Variants in STAB2 observed in about 807,000 individuals in gnomAD.
STAB2 encodes stabilin-2.
A neutral mutation model predicts 338.1 loss-of-function variants in STAB2; 288 were observed. The ratio of observed to expected loss-of-function variants is 0.85; its 90% CI spans 0.77 to 0.94. STAB2 has a LOEUF of 0.94. Among genes scored for constraint, STAB2 ranks in the 40% least tolerant of loss-of-function variants. The probability of loss-of-function intolerance (pLI) is 0.00; values close to 1 mark genes in which losing one functional copy is unlikely to be tolerated. For synonymous variants in STAB2, 1,202 were observed against 1,193.3 expected (o/e 1.01, Z -0.15); for missense variants, 3,141 against 3,210.1 (o/e 0.98, Z 0.52).
At position 103,590,883 on chromosome 12, in the gene STAB2, T is replaced by C. The variant is rs191401228; in HGVS notation, c.82-14T>C. The C allele has an allele frequency of 6.2e-7, 1 of 1,613,940 alleles. No homozygotes were observed. The highest frequency in any genetic ancestry group is 8.5e-7 in the Non-Finnish European group (1 of 1,179,942). On this transcript the variant is annotated splice_polypyrimidine_tract_variant and intron_variant, in intron 1 of 68. Transcript: ENST00000388887. ...TAACAGGAATTAATGTTCTTTTTTT[T>C]AATATTTACACAGGCAAGAAGATGT...
intron 21 of STAB2, 100 bp from the exon 22 acceptor site, chr12:103,670,596 A>G: frequency 1.1e-6 from 1 of 910,224 alleles, no homozygotes; most frequent in Non-Finnish European, 1.8e-6. Context: ...GGGTCATGTC[A>G]AGTGGGATTT....
chr12:103,695,022 T>C (rs1878277878), intron 31 of STAB2, among the ~76,000 whole-genome samples: 1 of 152,200 alleles, frequency 6.6e-6, no homozygotes, highest in South Asian at 2.1e-4. Context: ...TAAATTTATA[T>C]GTAAAAATGT....
At chr12:103,714,864 C>G (rs1415396199) in intron 42 of STAB2, among the ~76,000 whole-genome samples, 1 of 152,168 alleles carries the variant, frequency 6.6e-6, no homozygotes. Context: ...CAGTTATCAA[C>G]TTCAGTAAAT....
At chr12:103,685,429 T>TGTGTGTGTGTGTGTGTGTGTGTGTGC in intron 27 of STAB2, among the ~76,000 whole-genome samples, 1 of 133,866 alleles carries the variant, frequency 7.5e-6, no homozygotes, top group Non-Finnish European at 1.5e-5. Flanking sequence ...ATGCTGTGTG[T>TGTGTGTGTGTGTGTGTGTGTGTGTGC]GTGTGTGTGT....
chr12:103,698,276 C>G (rs1324293187), intron 33 of STAB2, among the ~76,000 whole-genome samples: 1 of 152,170 alleles, frequency 6.6e-6, no homozygotes, highest in Non-Finnish European at 1.5e-5. Flanking sequence ...CAGGCAATCA[C>G]TTAGGAACCT....
At chr12:103,615,129 A>G (rs944131478) in intron 3 of STAB2, among the ~76,000 whole-genome samples, 1 of 152,222 alleles carries the variant, frequency 6.6e-6, no homozygotes, top group African/African-American at 2.4e-5. Context: ...GGATATATCC[A>G]CAAGAGCAGT....
chr12:103,618,752 T>A (rs1423522054), intron 3 of STAB2, among the ~76,000 whole-genome samples: 1 of 152,168 alleles, frequency 6.6e-6, no homozygotes, highest in African/African-American at 2.4e-5. Context: ...AAATAAGATT[T>A]AACTTCAGAG....
chr12:103,673,917 C>T lies in STAB2; in HGVS notation c.2382C>T (p.Cys794=), dbSNP rs747354857. The T allele has an allele frequency of 3.7e-6, 6 of 1,611,416 alleles. No individual in the cohort carries two copies. Among genetic ancestry groups the T allele is most frequent in the South Asian group, 2.2e-5 (2 of 90,998 alleles). The stretch of plus-strand genomic sequence containing the variant: ...CTCCTCCTCTTTCAGAATGCCTGTG[C>T]GTTCACGGAACATGCAATAACAGGA... ...YGPRCNKKCL[C]VHGTCNNRID... is the part of the protein sequence containing the mutation. Residue 794 remains cysteine, a synonymous_variant, in exon 23 of 69, where the codon TGC becomes TGT. Transcript: ENST00000388887.
chr12:103,630,064 T>C (rs207473335), intron 5 of STAB2, among the ~76,000 whole-genome samples: 1 of 152,190 alleles, frequency 6.6e-6, no homozygotes, highest in Non-Finnish European at 1.5e-5. Flanking sequence ...TTTTATTTGG[T>C]TGGTAATTGA....
At chr12:103,749,841 C>CAAAAAAAAAAAAAAAAAAAAAAAAA in intron 59 of STAB2, among the ~76,000 whole-genome samples, 1 of 51,152 alleles carries the variant, frequency 2.0e-5, no homozygotes, top group African/African-American at 7.1e-5. Context: ...CTCTGTCTCA[C>CAAAAAAAAAAAAAAAAAAAAAAAAA]AAAAAAAAAA....
At chr12:103,659,703 T>A (rs1244161322) in intron 15 of STAB2, among the ~76,000 whole-genome samples, 1 of 152,228 alleles carries the variant, frequency 6.6e-6, no homozygotes, top group East Asian at 1.9e-4. Context: ...TGGTCTCCTT[T>A]GTGGGGCTAG....
chr12:103,651,811 A>G (rs1873766410), intron 11 of STAB2, among the ~76,000 whole-genome samples: 1 of 152,254 alleles, frequency 6.6e-6, no homozygotes, highest in Non-Finnish European at 1.5e-5. Flanking sequence ...AATCCAAGAT[A>G]TTTTGTGGTA....
At chr12:103,742,348 G>A (rs150233713) in intron 55 of STAB2, 57 bp from the exon 56 acceptor site, 1 of 1,592,612 alleles carries the variant, frequency 6.3e-7, no homozygotes, top group Non-Finnish European at 8.6e-7. Flanking sequence ...TTACAAAGGT[G>A]CTGAGCTGCT....
chr12:103,749,395 A>G (rs7138462), intron 59 of STAB2, among the ~76,000 whole-genome samples: 5,200 of 152,290 alleles, frequency 0.034, 236 homozygotes, highest in African/African-American at 0.098. Flanking sequence ...ACAGTAATGT[A>G]CCAACATTAA....
chr12:103,659,941 C>T lies in STAB2; in HGVS notation c.1735-390C>T, dbSNP rs192337850. The stretch of plus-strand genomic sequence containing the variant: ...TGTCTTAGAAAATCCAGAATATAGC[C>T]TTAGACATTCTGAGAAGTGATGGAG... On this transcript the variant is annotated intron_variant, in intron 15 of 68. Transcript: ENST00000388887. Among the ~76,000 whole-genome samples the T allele has an allele frequency of 2.1e-3, 315 of 152,286 alleles. 1 individual carries two copies. Among genetic ancestry groups the T allele is most frequent in the African/African-American group, 7.2e-3 (298 of 41,562 alleles).
At chr12:103,653,698 G>A (rs1203159503) in intron 12 of STAB2, among the ~76,000 whole-genome samples, 1 of 130,880 alleles carries the variant, frequency 7.6e-6, no homozygotes, top group Non-Finnish European at 1.6e-5. Flanking sequence ...ATAGGTCACT[G>A]GATGGATGGA....
At chr12:103,764,293 C>T (rs1884758399) in intron 68 of STAB2, among the ~76,000 whole-genome samples, 1 of 152,166 alleles carries the variant, frequency 6.6e-6, no homozygotes, top group African/African-American at 2.4e-5. Context: ...CATTGTTGTC[C>T]AAGATTTTAC....
At chr12:103,750,965 GC>G (rs1883593898) in intron 60 of STAB2, among the ~76,000 whole-genome samples, 2 of 152,312 alleles carry the variant, frequency 1.3e-5, no homozygotes, top group African/African-American at 4.8e-5. Flanking sequence ...GGCAGTGCGC[GC>G]CTGTAATCCC....
chr12:103,735,619 C>A, intron 52 of STAB2, 39 bp downstream of exon 52: 1 of 1,305,804 alleles, frequency 7.7e-7, no homozygotes, highest in Non-Finnish European at 1.1e-6. Context: ...GAGGGGTTAA[C>A]ACATTCACAG....
Sources: allele counts gnomAD v4.1 joint callset (sites outside exome capture counted in the v4.1 genomes callset), GRCh38; gene constraint gnomAD v4.1.1; transcripts MANE v1.5; gene names NCBI Gene and HGNC (gene_info 2026-07-23, HGNC 2026-07-21).